The following PCM1 variants were observed in gnomAD, a reference collection of about 807,000 sequenced individuals.
PCM1 encodes the protein pericentriolar material 1 protein.
A neutral mutation model predicts 241.9 loss-of-function variants in PCM1; 157 were observed. The observed-to-expected ratio is 0.65, with a 90% CI of 0.57 to 0.74. The LOEUF is 0.74. Ranked by LOEUF, PCM1 falls within the 30% of genes least tolerant of loss-of-function variation. The probability of loss-of-function intolerance (pLI) is 0.00; values close to 1 mark genes in which losing one functional copy is unlikely to be tolerated. For missense variants in PCM1, 3,478 were observed against 2,360.1 expected (o/e 1.47, Z -9.81); for synonymous variants, 1,085 against 784.9 (o/e 1.38, Z -6.39).
At chr8:17,998,276 G>C (rs904438981) in intron 29 of PCM1, among the ~76,000 whole-genome samples, 1 of 152,090 alleles carries the variant, frequency 6.6e-6, no homozygotes, top group Non-Finnish European at 1.5e-5. Flanking sequence ...GGGCATTGAA[G>C]AGTTATATAT....
chr8:18,011,859 A>G (rs913779416), intron 34 of PCM1, 32 bp downstream of exon 34: 9 of 1,542,176 alleles, frequency 5.8e-6, no homozygotes, highest in Non-Finnish European at 7.8e-6. Flanking sequence ...CACTTCCATC[A>G]GCCTTATTTT....
At chr8:17,941,713 C>G (rs752217106) in intron 6 of PCM1, among the ~76,000 whole-genome samples, 1 of 152,072 alleles carries the variant, frequency 6.6e-6, no homozygotes, top group Non-Finnish European at 1.5e-5. Flanking sequence ...TTCAGCTTCA[C>G]AAGAACAGGT....
chr8:17,957,326 C>A lies in PCM1; in HGVS notation c.1709C>A (p.Ser570Tyr). The change falls in exon 12 of 39, where the codon TCT (serine) becomes TAT (tyrosine). Residue 570 changes from serine (S) to tyrosine (Y), a missense_variant. Ser to Tyr is a moderately radical substitution (Grantham distance 144). Coordinates refer to ENST00000325083, the MANE Select transcript of PCM1 (RefSeq NM_006197.4). ...VNSHSNAQCV[S>Y]NNRDGRTVNS... is the part of the protein sequence containing the mutation. ...AGTCATAGTAATGCACAGTGTGTTT[C>A]TAATAATAGAGATGGGCGAACAGTT... The A allele has an allele frequency of 6.2e-7, 1 of 1,611,374 alleles. No homozygotes were observed. The highest frequency in any genetic ancestry group is 8.5e-7 in the Non-Finnish European group (1 of 1,177,884).
rs560021068 is a variant in PCM1, at chr8:17,965,924, T to C, written c.2856-75T>C. ...CAGAATATTGGCCCATAGGCCTGAG[T>C]ATCAGAGTTTATTGCTGTATTTTAA... is the stretch of plus-strand genomic sequence containing the variant. On this transcript the variant is annotated intron_variant, in intron 18 of 38. Coordinates refer to ENST00000325083, the MANE Select transcript of PCM1 (RefSeq NM_006197.4). The C allele has an allele frequency of 3.2e-6, 3 of 950,236 alleles. No individual in the cohort carries two copies. The East Asian group carries it at 7.5e-5, about 24-fold the overall frequency. The allele number at this position is 950,236 out of a possible 1,614,324, so 58.9% of individuals were successfully genotyped here.
intron 23 of PCM1, among the ~76,000 whole-genome samples, chr8:17,975,518 A>T (rs2078447593): frequency 6.6e-6 from 1 of 152,118 alleles, no homozygotes; most frequent in Non-Finnish European, 1.5e-5. Context: ...GGAAAAGTTT[A>T]GAAAGCCTTT....
At chr8:18,020,429 T>G (rs545607036) in intron 36 of PCM1, among the ~76,000 whole-genome samples, 1 of 152,320 alleles carries the variant, frequency 6.6e-6, no homozygotes, top group South Asian at 2.1e-4. Context: ...AGACTAACAT[T>G]TTATGATATC....
intron 2 of PCM1, chr8:17,926,161 G>C (rs562150464): frequency 3.3e-5 from 5 of 152,214 alleles, no homozygotes; most frequent in African/African-American, 1.2e-4. Context: ...TTAGTTATAA[G>C]ATTTTCCTTT....
intron 24 of PCM1, among the ~76,000 whole-genome samples, chr8:17,983,615 A>G (rs906852936): frequency 7.9e-5 from 12 of 152,192 alleles, no homozygotes; most frequent in Non-Finnish European, 1.8e-4. Flanking sequence ...TCTTAGACCT[A>G]GAAATATAGT....
chr8:17,974,144 A>G (rs1207741947), intron 23 of PCM1, among the ~76,000 whole-genome samples: 2 of 152,194 alleles, frequency 1.3e-5, no homozygotes, highest in Admixed American at 1.3e-4. Context: ...TCTGGTTATA[A>G]AGGTTTAGGA....
intron 3 of PCM1, 103 bp downstream of exon 3, chr8:17,935,809 G>A (rs1212948230): frequency 3.2e-6 from 2 of 627,218 alleles, no homozygotes; most frequent in Non-Finnish European, 5.9e-6. Flanking sequence ...GTATACACTT[G>A]CTGGCCAAGA....
At chr8:17,961,304 CTTTTTTTTTTTTTTT>C (rs35468848) in intron 15 of PCM1, among the ~76,000 whole-genome samples, 1 of 79,140 alleles carries the variant, frequency 1.3e-5, no homozygotes, top group African/African-American at 5.3e-5. Flanking sequence ...TATTGGCTAG[CTTTTTTTTTTTTTTT>C]TTTTTTTTTG....
At chr8:17,941,390 T>C (rs954056710) in intron 6 of PCM1, among the ~76,000 whole-genome samples, 2 of 152,172 alleles carry the variant, frequency 1.3e-5, no homozygotes, top group African/African-American at 4.8e-5. Flanking sequence ...GTTAAAAATG[T>C]GCTTTAACAA....
At chr8:17,970,676 A>T (rs1011507353) in intron 22 of PCM1, among the ~76,000 whole-genome samples, 1 of 152,188 alleles carries the variant, frequency 6.6e-6, no homozygotes, top group African/African-American at 2.4e-5. Flanking sequence ...ACGAGCAGTA[A>T]ACATTTATTC....
intron 5 of PCM1, 150 bp downstream of exon 5, chr8:17,939,159 CTT>C: frequency 1.5e-6 from 1 of 685,410 alleles, no homozygotes; most frequent in Non-Finnish European, 2.4e-6. Flanking sequence ...GCCAGATTTA[CTT>C]AAAATAGAGT....
At position 18,013,230 on chromosome 8, in the gene PCM1, T is replaced by C. The variant is rs2427736; in HGVS notation, c.5512-734T>C. 3.5e-3 allele frequency among the ~76,000 whole-genome samples: 535 copies of C among 152,338 alleles called. 3 individuals carry two copies. The highest frequency in any genetic ancestry group is 0.013 in the South Asian group (61 of 4,828). On this transcript the variant is annotated intron_variant, in intron 34 of 38. Coordinates refer to ENST00000325083, the MANE Select transcript of PCM1 (RefSeq NM_006197.4). ...GGGAATGGGGCTGAGGTCCCACCGT[T>C]ATACAGGCATGCACTAGATTATTCT...
Position 18,029,293 on chromosome 8 carries a change from C to A in PCM1, c.*1631C>A. ...ACTTAAATTATGGAAGACAATATAT[C>A]TTCAACTTTAATAAAACCTATTCAG... On this transcript the variant is annotated 3_prime_UTR_variant, in exon 39 of 39. Transcript: ENST00000325083. 1 of 195,948 alleles carries A rather than the reference C, an allele frequency of 5.1e-6. No homozygotes were observed. Among genetic ancestry groups the A allele is most frequent in the Non-Finnish European group, 1.1e-5 (1 of 94,778 alleles). 12.1% of individuals were successfully genotyped at this position (195,948 alleles called of 1,614,324 possible).
At chr8:17,991,125 C>A (rs937741474) in intron 27 of PCM1, among the ~76,000 whole-genome samples, 1 of 151,638 alleles carries the variant, frequency 6.6e-6, no homozygotes, top group Non-Finnish European at 1.5e-5. Context: ...CATTGATAGG[C>A]CTTTTTCTTA....
chr8:17,969,765 G>A lies in PCM1; in HGVS notation c.3584+17G>A, dbSNP rs1332471468. 6.4e-7 allele frequency: 1 copy of A among 1,554,450 alleles called. No individual in the cohort carries two copies. The highest frequency in any genetic ancestry group is 8.8e-7 in the Non-Finnish European group (1 of 1,133,544). Reference sequence around the variant, plus strand: ...GAAACCAAGGTACTGATTGTAAACAGTCTTTTATTGCTTAAACATTCACTT... The same window carrying A: ...GAAACCAAGGTACTGATTGTAAACAATCTTTTATTGCTTAAACATTCACTT... On this transcript the variant is annotated intron_variant, in intron 22 of 38. Transcript: ENST00000325083.
At chr8:17,926,191 A>G (rs891316953) in intron 2 of PCM1, 1 of 152,226 alleles carries the variant, frequency 6.6e-6, no homozygotes, top group African/African-American at 2.4e-5. Context: ...GGGGAAGATG[A>G]TGGATAAGAC....
Sources: allele counts gnomAD v4.1 joint callset (sites outside exome capture counted in the v4.1 genomes callset), GRCh38; gene constraint gnomAD v4.1.1; transcripts MANE v1.5; gene names NCBI Gene and HGNC (gene_info 2026-07-23, HGNC 2026-07-21).